VRK2: variants seen among roughly 807,000 people sequenced by gnomAD.
VRK2 encodes the protein VRK serine/threonine kinase 2, also known as serine/threonine-protein kinase VRK2.
Under a neutral mutation model 57.6 loss-of-function variants are expected in VRK2, and 60 were observed. The ratio of observed to expected loss-of-function variants is 1.04; its 90% CI spans 0.85 to 1.29. The LOEUF (loss-of-function observed/expected upper bound fraction) is 1.29. Among genes scored for constraint, VRK2 ranks in the 50% most tolerant of loss-of-function variants. The pLI is 0.00. For synonymous variants in VRK2, 231 were observed against 199.2 expected (o/e 1.16, Z -1.35); for missense variants, 705 against 588.1 (o/e 1.20, Z -2.06).
intron 1 of VRK2, among the ~76,000 whole-genome samples, chr2:57,960,406 AAGCT>A (rs1398703186): frequency 1.3e-5 from 2 of 152,132 alleles, no homozygotes; most frequent in Non-Finnish European, 2.9e-5. Context: ...GACATAAATA[AAGCT>A]AGCAAGATAC....
chr2:58,149,624 A>G (rs1682693990), intron 12 of VRK2, among the ~76,000 whole-genome samples: 1 of 151,556 alleles, frequency 6.6e-6, no homozygotes, highest in Non-Finnish European at 1.5e-5. Flanking sequence ...TCCTGATCTT[A>G]GGGGGAATGC....
At chr2:57,970,947 A>G (rs1380162274) in intron 1 of VRK2, among the ~76,000 whole-genome samples, 1 of 151,888 alleles carries the variant, frequency 6.6e-6, no homozygotes, top group Non-Finnish European at 1.5e-5. Context: ...TTTATTTGTT[A>G]AAGAGACTAT....
intron 7 of VRK2, among the ~76,000 whole-genome samples, chr2:58,121,430 A>C (rs935015527): frequency 2.0e-5 from 3 of 152,220 alleles, no homozygotes; most frequent in African/African-American, 7.2e-5. Flanking sequence ...CAGTGAAAGC[A>C]AGCAACCTGT....
intron 7 of VRK2, among the ~76,000 whole-genome samples, chr2:58,094,958 A>T (rs1024331553): frequency 2.0e-5 from 3 of 152,102 alleles, no homozygotes; most frequent in African/African-American, 7.2e-5. Context: ...TATCTTAGCT[A>T]TTTATACTGG....
upstream of VRK2, chr2:58,046,588 G>A (rs933171125): frequency 5.1e-6 from 5 of 985,504 alleles, no homozygotes; most frequent in African/African-American, 7.0e-5. Flanking sequence ...TAGTAACACA[G>A]CTCCCATTCC....
At chr2:58,126,642 A>C (rs1238653876) in intron 8 of VRK2, among the ~76,000 whole-genome samples, 1 of 152,100 alleles carries the variant, frequency 6.6e-6, no homozygotes, top group African/African-American at 2.4e-5. Flanking sequence ...TATTCTTCCA[A>C]ACTCAATTCT....
intron 2 of VRK2, among the ~76,000 whole-genome samples, chr2:58,069,151 A>G (rs1669044241): frequency 6.6e-6 from 1 of 152,166 alleles, no homozygotes; most frequent in Admixed American, 6.6e-5. Flanking sequence ...CTAACAGAGA[A>G]TACTGATATT....
intron 2 of VRK2, chr2:58,058,383 T>G (rs1279639753): frequency 2.1e-6 from 1 of 470,540 alleles, no homozygotes; most frequent in Non-Finnish European, 4.4e-6. Flanking sequence ...CTCCAATGCT[T>G]AGTGTGGAGT....
chr2:58,127,694 T>C (rs972586504), intron 8 of VRK2, among the ~76,000 whole-genome samples: 2 of 152,232 alleles, frequency 1.3e-5, no homozygotes, highest in East Asian at 3.8e-4. Context: ...CTTATTCAGA[T>C]GTTTTCTGCT....
intron 7 of VRK2, among the ~76,000 whole-genome samples, chr2:58,096,062 G>A (rs1673082893): frequency 6.6e-6 from 1 of 151,986 alleles, no homozygotes; most frequent in South Asian, 2.1e-4. Flanking sequence ...AATCATATTT[G>A]TCTCAAATAT....
rs1673845786 is a variant in VRK2, at chr2:58,100,784, CAGT to C, written c.543+11063_543+11065del. Among the ~76,000 whole-genome samples the C allele has an allele frequency of 4.6e-5, 7 of 151,786 alleles. No individual in the cohort carries two copies. In the South Asian group the frequency reaches 1.2e-3, roughly 27 times the overall value. ...TCTATAAACTGTTTTAAGGTTCTCT[CAGT>C]ATTATTTTTCAAAGAAAAATAAACT... On this transcript the variant is annotated intron_variant, in intron 7 of 12. Transcript: ENST00000340157.
chr2:58,047,416 C>G (rs1674994394), intron 1 of VRK2: 1 of 985,290 alleles, frequency 1.0e-6, no homozygotes. Context: ...CAGGGACGGG[C>G]CCTGAGAGGC....
chr2:58,132,944 A>G lies in VRK2; in HGVS notation c.797+1016A>G, dbSNP rs377158879. On this transcript the variant is annotated intron_variant, in intron 9 of 12. Coordinates refer to ENST00000340157, the MANE Select transcript of VRK2 (RefSeq NM_006296.7). ...ACTAAATCAGTTATTTACTGCAGTG[A>G]TTGATGTGTCCATATTAACTTTCAT... Among the ~76,000 whole-genome samples, 97 of 152,332 alleles carry G rather than the reference A, an allele frequency of 6.4e-4. 2 individuals are homozygous for G. In the South Asian group the frequency reaches 0.02, roughly 31 times the overall value.
intron 7 of VRK2, among the ~76,000 whole-genome samples, chr2:58,093,421 T>C (rs575565039): frequency 7.0e-4 from 107 of 152,294 alleles, no homozygotes; most frequent in African/African-American, 2.1e-3. Flanking sequence ...CCAGTGATGA[T>C]GAGCATTTTT....
chr2:58,034,357 C>G (rs1164377452), intron 3 of VRK2, among the ~76,000 whole-genome samples: 1 of 151,858 alleles, frequency 6.6e-6, no homozygotes, highest in African/African-American at 2.4e-5. Flanking sequence ...TCTTTCTTTC[C>G]CAGTTTGCCC....
chr2:57,928,194 T>G (rs545925189), intron 1 of VRK2, among the ~76,000 whole-genome samples: 1 of 152,162 alleles, frequency 6.6e-6, no homozygotes, highest in Non-Finnish European at 1.5e-5. Context: ...GCAAACCTTG[T>G]AAATAGATCT....
chr2:57,998,683 C>T lies in VRK2; in HGVS notation c.-438-26982C>T, dbSNP rs185274245. ...AGTTATATCTATATGGCACAGTTAA[C>T]TACCCTTTCTGTTCTTCAGATCACC... On this transcript the variant is annotated intron_variant, in intron 1 of 15. Transcript: ENST00000417641. 1.2e-4 allele frequency among the ~76,000 whole-genome samples: 18 copies of T among 152,262 alleles called. No homozygotes were observed. The East Asian group carries it at 3.3e-3, about 28-fold the overall frequency.
intron 1 of VRK2, among the ~76,000 whole-genome samples, chr2:57,975,021 T>G (rs1672206113): frequency 6.6e-6 from 1 of 151,932 alleles, no homozygotes; most frequent in African/African-American, 2.4e-5. Context: ...ATGTTAAACT[T>G]TATACAGCAT....
intron 1 of VRK2, among the ~76,000 whole-genome samples, chr2:58,018,915 C>A (rs574021844): frequency 1.3e-5 from 2 of 152,324 alleles, no homozygotes; most frequent in Admixed American, 6.5e-5. Flanking sequence ...ATCCACATAA[C>A]CTCTGCATAT....
Sources: allele counts gnomAD v4.1 joint callset (sites outside exome capture counted in the v4.1 genomes callset), GRCh38; gene constraint gnomAD v4.1.1; transcripts MANE v1.5; gene names NCBI Gene and HGNC (gene_info 2026-07-23, HGNC 2026-07-21).